Variants in CGAS observed in about 807,000 individuals in gnomAD.
CGAS encodes 2'3'-cGAMP synthase.
Under a neutral mutation model 34.0 loss-of-function variants are expected in CGAS, and 31 were observed. The observed-to-expected ratio is 0.91, with a 90% confidence interval of 0.69 to 1.23. The LOEUF is 1.23. CGAS is among the 50% of genes most tolerant of loss of function. The pLI is 0.00. For synonymous variants in CGAS, 266 were observed against 260.0 expected, an observed-to-expected ratio of 1.02 and a Z score of -0.22; for missense variants, 597 against 657.6, an observed-to-expected ratio of 0.91 and a Z score of 1.01.
chr6:73,449,476 A>AACACACACACAC (rs144519687), intron 1 of CGAS, among the ~76,000 whole-genome samples: 12,503 of 142,742 alleles, frequency 0.088, 584 homozygotes, highest in South Asian at 0.1. Context: ...CTCTGTCTCA[A>AACACACACACAC]ACACACACAC....
At chr6:73,430,465 G>T (rs1582650258) in intron 3 of CGAS, among the ~76,000 whole-genome samples, 1 of 152,040 alleles carries the variant, frequency 6.6e-6, no homozygotes, top group East Asian at 1.9e-4. Flanking sequence ...GATTAGCTTA[G>T]CCAGTGTGGT....
intron 3 of CGAS, among the ~76,000 whole-genome samples, chr6:73,436,733 C>T (rs898722407): frequency 1.3e-5 from 2 of 150,544 alleles, no homozygotes; most frequent in South Asian, 2.1e-4. Context: ...ATGTTGCCCA[C>T]GCTGGTCTCG....
intron 3 of CGAS, among the ~76,000 whole-genome samples, chr6:73,429,648 A>G (rs997339901): frequency 1.5e-5 from 2 of 130,422 alleles, no homozygotes; most frequent in African/African-American, 2.6e-5. Context: ...AACACAGTGA[A>G]ACCCTGCCTC....
At chr6:73,432,526 C>T (rs1024426251) in intron 3 of CGAS, among the ~76,000 whole-genome samples, 16 of 152,116 alleles carry the variant, frequency 1.1e-4, no homozygotes, top group African/African-American at 3.1e-4. Flanking sequence ...GACATGATCT[C>T]GGCTCACAGA....
chr6:73,447,777 A>G (rs903012556), intron 1 of CGAS, among the ~76,000 whole-genome samples: 1 of 152,166 alleles, frequency 6.6e-6, no homozygotes, highest in Non-Finnish European at 1.5e-5. Context: ...GATATTCTAA[A>G]TGGTATTTTC....
chr6:73,444,630 T>C (rs1770439710), intron 2 of CGAS, among the ~76,000 whole-genome samples: 1 of 152,172 alleles, frequency 6.6e-6, no homozygotes, highest in African/African-American at 2.4e-5. Flanking sequence ...TATCTGATCA[T>C]TGAGAAGCCA....
At chr6:73,433,885 G>C (rs1770235848) in intron 3 of CGAS, among the ~76,000 whole-genome samples, 2 of 152,096 alleles carry the variant, frequency 1.3e-5, no homozygotes, top group African/African-American at 4.8e-5. Flanking sequence ...ACAGGCATAA[G>C]TCATCATTCC....
In CGAS at chr6:73,425,186, T is replaced by C; in HGVS notation, c.*41A>G. 1 of 1,413,782 alleles carries C rather than the reference T, an allele frequency of 7.1e-7. No individual in the cohort carries two copies. Among genetic ancestry groups the C allele is most frequent in the Non-Finnish European group, 9.5e-7 (1 of 1,048,734 alleles). 87.6% of individuals were successfully genotyped at this position (1,413,782 alleles called of 1,614,324 possible). A position where few individuals can be genotyped will look rare whatever the true frequency, so the allele number is the denominator to read the frequency against. ...AATTTTTCTTGTATTCTCCAGGATTTAGGGTGACTCTAGTTCTTAGATCTT... is the reference window on the plus strand; with the variant it reads ...AATTTTTCTTGTATTCTCCAGGATTCAGGGTGACTCTAGTTCTTAGATCTT... On this transcript the variant is annotated 3_prime_UTR_variant, in exon 5 of 5. Transcript: ENST00000370315.
intron 3 of CGAS, chr6:73,439,950 C>T (rs1375172883): frequency 7.7e-6 from 3 of 388,530 alleles, no homozygotes; most frequent in African/African-American, 2.1e-5. Context: ...AAGGCCAATA[C>T]TGCTTTTCTT....
intron 3 of CGAS, among the ~76,000 whole-genome samples, chr6:73,438,746 A>G (rs186211548): frequency 1.6e-4 from 24 of 151,404 alleles, no homozygotes; most frequent in Non-Finnish European, 3.1e-4. Flanking sequence ...CAGGGCCACC[A>G]AAGGACTCTT....
rs1178017668 is a variant in CGAS at position 73,451,681 on chromosome 6, C to T, written c.501G>A (p.Ala167=). Residue 167 remains alanine (A), a synonymous_variant, in exon 1 of 5, where the codon GCG becomes GCA. Transcript: ENST00000370315. ...GGCTGAGCTTCAACTTCTCCAAAAC[C>T]GCCCGGAGCTTCGAGGCCCCAGGCG... ...DAAPGASKLR[A]VLEKLKLSRD... 1.2e-6 allele frequency: 2 copies of T among 1,614,018 alleles called. No individual in the cohort carries two copies. Among genetic ancestry groups the T allele is most frequent in the Admixed American group, 1.7e-5 (1 of 60,014 alleles).
At chr6:73,448,828 G>A (rs1438941652) in intron 1 of CGAS, among the ~76,000 whole-genome samples, 13 of 152,180 alleles carry the variant, frequency 8.5e-5, no homozygotes, top group African/African-American at 2.6e-4. Flanking sequence ...AGTGGCTCAC[G>A]CCTGTAATCC....
Position 73,440,542 on chromosome 6 carries a change from G to A in CGAS, c.878-97C>T, listed in dbSNP as rs1314366731. The A allele has an allele frequency of 4.6e-6, 5 of 1,085,694 alleles. No homozygotes were observed. In the African/African-American group the frequency reaches 6.3e-5, roughly 14 times the overall value. The allele number at this position is 1,085,694 out of a possible 1,614,324, so 67.3% of individuals were successfully genotyped here. ...GTAACTATAATTGAAGATCTCTGGTGTGCTAAGTATGAAGTAAACATTAGT... is the reference window on the plus strand; with the variant it reads ...GTAACTATAATTGAAGATCTCTGGTATGCTAAGTATGAAGTAAACATTAGT... On this transcript the variant is annotated intron_variant, in intron 2 of 4. Transcript: ENST00000370315.
rs776525430 is a variant in CGAS at position 73,451,570 on chromosome 6, T to G, written c.612A>C (p.Arg204Ser). 1 of 1,609,796 alleles carries G rather than the reference T, an allele frequency of 6.2e-7. No individual in the cohort carries two copies. The highest frequency in any genetic ancestry group is 8.5e-7 in the Non-Finnish European group (1 of 1,178,256). The change falls in exon 1 of 5, where the codon AGA (arginine) becomes AGC (serine). Residue 204 changes from arginine (R) to serine (S), a missense_variant. By Grantham distance (110) the Arg-to-Ser change is moderately radical. Transcript: ENST00000370315. ...LLRLKCDSAF[R>S]GVGLLNTGSY... ...TCCCGGTGTTCAGCAGCCCGACGCC[T>G]CTGAACGCGGAGTCGCACTTCAGTC...
chr6:73,432,068 A>T (rs1770203542), intron 3 of CGAS, among the ~76,000 whole-genome samples: 1 of 152,088 alleles, frequency 6.6e-6, no homozygotes, highest in East Asian at 1.9e-4. Flanking sequence ...GGGGTCCAGC[A>T]ATCCTCCCAC....
chr6:73,442,404 C>CT (rs575356584), intron 2 of CGAS, among the ~76,000 whole-genome samples: 130 of 140,740 alleles, frequency 9.2e-4, no homozygotes, highest in Middle Eastern at 3.6e-3. Flanking sequence ...CCAGCCCAAA[C>CT]TTTTTTTTTT....
chr6:73,451,233 C>A (rs940614068), intron 1 of CGAS, among the ~76,000 whole-genome samples: 5 of 152,114 alleles, frequency 3.3e-5, no homozygotes, highest in Non-Finnish European at 7.4e-5. Context: ...TGCCCTGTTA[C>A]GGAAACTCGA....
Position 73,452,209 on chromosome 6 carries a change from A to T in CGAS, c.-28T>A. 2 of 1,576,576 alleles carry T rather than the reference A, an allele frequency of 1.3e-6. No individual in the cohort carries two copies. Among genetic ancestry groups the T allele is most frequent in the Non-Finnish European group, 1.7e-6 (2 of 1,163,720 alleles). ...CTGGCGCTTTCTGTTCCCCGAAAGA[A>T]GAATCCGTTTCAGGAAAAGGCCGCA... On this transcript the variant is annotated 5_prime_UTR_variant, in exon 1 of 5. Transcript: ENST00000370315.
At chr6:73,427,178 C>G (rs1338644313) in intron 4 of CGAS, among the ~76,000 whole-genome samples, 1 of 151,668 alleles carries the variant, frequency 6.6e-6, no homozygotes, top group Non-Finnish European at 1.5e-5. Context: ...ATGCTTACTT[C>G]AAAGCCTGCA....
Sources: allele counts gnomAD v4.1 joint callset (sites outside exome capture counted in the v4.1 genomes callset), GRCh38; gene constraint gnomAD v4.1.1; transcripts MANE v1.5; gene names NCBI Gene and HGNC (gene_info 2026-07-23, HGNC 2026-07-21).